Variants in DNAJC3 observed in about 807,000 individuals in gnomAD.
The protein encoded by DNAJC3 is dnaJ homolog subfamily C member 3.
DNAJC3 carries 38 observed loss-of-function variants against 68.6 expected under a neutral mutation model. The ratio of observed to expected loss-of-function variants is 0.55; its 90% CI spans 0.43 to 0.73. The LOEUF (loss-of-function observed/expected upper bound fraction) is 0.73, where lower values mean the gene tolerates loss of function less well. Ranked by LOEUF, DNAJC3 falls within the 30% of genes least tolerant of loss-of-function variation. The pLI is 0.00. For missense variants in DNAJC3, 526 were observed against 591.9 expected, an observed-to-expected ratio of 0.89 and a Z score of 1.16; for synonymous variants, 203 against 204.0, an observed-to-expected ratio of 1.00 and a Z score of 0.04.
At chr13:95,779,840 T>A (rs1883399659) in intron 9 of DNAJC3, among the ~76,000 whole-genome samples, 1 of 152,196 alleles carries the variant, frequency 6.6e-6, no homozygotes, top group African/African-American at 2.4e-5. Flanking sequence ...TTTGGCTATG[T>A]TTTTCTGATG....
chr13:95,678,728 A>AT (rs574044390), intron 1 of DNAJC3, among the ~76,000 whole-genome samples: 3,155 of 148,046 alleles, frequency 0.021, 40 homozygotes, highest in African/African-American at 0.039. Context: ...TTTAATGGTG[A>AT]TTTTTTTTTT....
chr13:95,697,367 T>A (rs758923422), intron 1 of DNAJC3, among the ~76,000 whole-genome samples: 1 of 152,250 alleles, frequency 6.6e-6, no homozygotes, highest in Non-Finnish European at 1.5e-5. Flanking sequence ...CAAACTCTTT[T>A]GGCATGTAAG....
chr13:95,700,994 CAT>C lies in DNAJC3; in HGVS notation c.83-8232_83-8231del, dbSNP rs1287903389. 9.9e-5 allele frequency among the ~76,000 whole-genome samples: 15 copies of C among 152,272 alleles called. 2 individuals carry two copies. The highest frequency in any genetic ancestry group is 3.6e-4 in the African/African-American group (15 of 41,554). On this transcript the variant is annotated intron_variant, in intron 1 of 11. Transcript: ENST00000602402. The stretch of plus-strand genomic sequence containing the variant: ...ACATTTTTTTTAAAGCCTCATTAAT[CAT>C]GTGACATCTAGGCATTTAAATGTCA...
chr13:95,769,525 A>G lies in DNAJC3; in HGVS notation c.1075+5572A>G, dbSNP rs543970537. On this transcript the variant is annotated intron_variant, in intron 9 of 11. Transcript: ENST00000602402. ...CCATGGACACATGTAATCAGAATCT[A>G]TAAAGCAGATGCTTCTGAAACTTCC... Among the ~76,000 whole-genome samples, 50 of 152,388 alleles carry G rather than the reference A, an allele frequency of 3.3e-4. 1 individual carries two copies. The highest frequency in any genetic ancestry group is 1.5e-4 in the Non-Finnish European group (10 of 68,040).
intron 2 of DNAJC3, among the ~76,000 whole-genome samples, chr13:95,711,679 G>A (rs1341054411): frequency 1.3e-5 from 2 of 152,064 alleles, no homozygotes; most frequent in East Asian, 1.9e-4. Flanking sequence ...TTTTAAATGG[G>A]TATAAGCCTA....
rs146515617 is a variant in DNAJC3, at chr13:95,700,828, A to G, written c.83-8399A>G. 1.9e-3 allele frequency among the ~76,000 whole-genome samples: 292 copies of G among 152,104 alleles called. 1 individual carries two copies. Among genetic ancestry groups the G allele is most frequent in the African/African-American group, 6.8e-3 (284 of 41,486 alleles). On this transcript the variant is annotated intron_variant, in intron 1 of 11. Coordinates refer to ENST00000602402, the MANE Select transcript of DNAJC3 (RefSeq NM_006260.5). ...GCTACTCCATGGTCATGTCATCATC[A>G]TGTTGCCTGGATTATCATGTAGATA...
At chr13:95,735,110 G>A (rs906720400) in intron 4 of DNAJC3, among the ~76,000 whole-genome samples, 4 of 150,604 alleles carry the variant, frequency 2.7e-5, no homozygotes, top group African/African-American at 9.8e-5. Context: ...TGAGAATGAT[G>A]ATTTCCAATT....
In DNAJC3 at chr13:95,760,855, AC is replaced by A. The variant is rs1404486478; in HGVS notation, c.848+58del. On this transcript the variant is annotated intron_variant, in intron 7 of 11. Transcript: ENST00000602402. ...ATTCCTTATGTGCGGGGCTGTGGGC[AC>A]AAGTGAACTACAGAACTGCTCTTTT... is the stretch of plus-strand genomic sequence containing the variant. 31 of 1,579,972 alleles carry A rather than the reference AC, an allele frequency of 2.0e-5. No homozygotes were observed. The East Asian group carries it at 7.2e-4, about 37-fold the overall frequency.
chr13:95,742,772 T>C, intron 4 of DNAJC3: 1 of 519,040 alleles, frequency 1.9e-6, no homozygotes, highest in Non-Finnish European at 3.8e-6. Flanking sequence ...TCCTCAGTCT[T>C]TAAATTTGAT....
At chr13:95,685,232 C>G (rs566495704) in intron 1 of DNAJC3, among the ~76,000 whole-genome samples, 1 of 152,356 alleles carries the variant, frequency 6.6e-6, no homozygotes, top group East Asian at 1.9e-4. Flanking sequence ...GGAGCTCACC[C>G]CTTGCTGCAA....
chr13:95,752,957 C>T (rs1882526578), intron 4 of DNAJC3, among the ~76,000 whole-genome samples: 1 of 152,212 alleles, frequency 6.6e-6, no homozygotes, highest in Admixed American at 6.5e-5. Flanking sequence ...ACTTCTTCAA[C>T]ACTTCATGTG....
chr13:95,733,467 C>T (rs1460391570), intron 4 of DNAJC3, among the ~76,000 whole-genome samples: 1 of 152,202 alleles, frequency 6.6e-6, no homozygotes, highest in Non-Finnish European at 1.5e-5. Flanking sequence ...TCTCAGCTCA[C>T]TGCAACCTCC....
At chr13:95,786,143 T>C (rs1883596157) in intron 10 of DNAJC3, 72 bp downstream of exon 10, 1 of 1,404,624 alleles carries the variant, frequency 7.1e-7, no homozygotes, top group East Asian at 2.5e-5. Context: ...ATTGCTCTTT[T>C]TCCTCTCTGA....
chr13:95,783,271 A>G (rs987080413), intron 9 of DNAJC3, among the ~76,000 whole-genome samples: 3 of 152,228 alleles, frequency 2.0e-5, no homozygotes, highest in South Asian at 2.1e-4. Context: ...AACAACCTAT[A>G]ATTTTACATT....
intron 1 of DNAJC3, among the ~76,000 whole-genome samples, chr13:95,685,079 C>G (rs1880035148): frequency 6.6e-6 from 1 of 152,268 alleles, no homozygotes; most frequent in Admixed American, 6.5e-5. Flanking sequence ...AGACCACCAT[C>G]TTTCAGACCC....
chr13:95,762,850 T>C (rs762594228), intron 7 of DNAJC3, among the ~76,000 whole-genome samples: 6 of 152,168 alleles, frequency 3.9e-5, no homozygotes, highest in Non-Finnish European at 1.5e-5. Context: ...CTCCCACTTA[T>C]GAGTGAGAAT....
chr13:95,766,020 C>T (rs1882983928), intron 9 of DNAJC3, among the ~76,000 whole-genome samples: 1 of 152,078 alleles, frequency 6.6e-6, no homozygotes, highest in Admixed American at 6.5e-5. Context: ...TATTACCTGA[C>T]TTGTTTGGAC....
chr13:95,680,867 A>G (rs1251597821), intron 1 of DNAJC3, among the ~76,000 whole-genome samples: 1 of 152,210 alleles, frequency 6.6e-6, no homozygotes, highest in African/African-American at 2.4e-5. Context: ...GCTCTTCAGA[A>G]CGCAAACATT....
chr13:95,772,492 AG>A (rs1883184246), intron 9 of DNAJC3, among the ~76,000 whole-genome samples: 1 of 152,232 alleles, frequency 6.6e-6, no homozygotes, highest in African/African-American at 2.4e-5. Context: ...GCTACAATAA[AG>A]TATGAGAGTT....
Sources: allele counts gnomAD v4.1 joint callset (sites outside exome capture counted in the v4.1 genomes callset), GRCh38; gene constraint gnomAD v4.1.1; transcripts MANE v1.5; gene names NCBI Gene and HGNC (gene_info 2026-07-23, HGNC 2026-07-21).